DHRS9: variants seen among roughly 807,000 people sequenced by gnomAD.
DHRS9 encodes dehydrogenase/reductase 9, also known as dehydrogenase/reductase SDR family member 9.
Under a neutral mutation model 26.6 loss-of-function variants are expected in DHRS9, and 18 were observed. The observed-to-expected ratio is 0.68, with a 90% CI of 0.47 to 1.00. DHRS9 has a LOEUF of 1.00. DHRS9 is among the 50% of genes least tolerant of loss of function. DHRS9 has a pLI of 0.00. For synonymous variants in DHRS9, 134 were observed against 141.1 expected (o/e 0.95, Z 0.36); for missense variants, 425 against 378.7 (o/e 1.12, Z -1.01).
chr2:169,093,932 A>C (rs1684614512), intron 4 of DHRS9, among the ~76,000 whole-genome samples: 1 of 152,218 alleles, frequency 6.6e-6, no homozygotes, highest in South Asian at 2.1e-4. Context: ...TTCCCTTGAG[A>C]AGACACAGCT....
At chr2:169,067,202 T>G, upstream of DHRS9, 1 of 1,535,614 alleles carries the variant, frequency 6.5e-7, no homozygotes. Flanking sequence ...ACCCTCCTGG[T>G]CAGCCTTACA....
At chr2:169,073,492 G>C (rs1227189307) in intron 1 of DHRS9, among the ~76,000 whole-genome samples, 1 of 152,198 alleles carries the variant, frequency 6.6e-6, no homozygotes, top group Non-Finnish European at 1.5e-5. Flanking sequence ...AGATTTGCTA[G>C]GAGGATATTT....
intron 3 of DHRS9, among the ~76,000 whole-genome samples, chr2:169,084,221 T>G (rs1217507582): frequency 6.6e-6 from 1 of 152,206 alleles, no homozygotes; most frequent in African/African-American, 2.4e-5. Flanking sequence ...ATACTGCATT[T>G]TCCTTATTCA....
chr2:169,077,087 G>A (rs1369394848), intron 1 of DHRS9, among the ~76,000 whole-genome samples: 2 of 152,100 alleles, frequency 1.3e-5, no homozygotes, highest in Non-Finnish European at 2.9e-5. Context: ...GATCCAATAT[G>A]GGATCCAACA....
chr2:169,070,594 A>G, intron 1 of DHRS9: 1 of 984,856 alleles, frequency 1.0e-6, no homozygotes, highest in South Asian at 4.7e-5. Flanking sequence ...GTTAAATGTT[A>G]TACCACCTTT....
At chr2:169,068,713 T>C (rs1348362241), upstream of DHRS9, among the ~76,000 whole-genome samples, 1 of 152,188 alleles carries the variant, frequency 6.6e-6, no homozygotes, top group Admixed American at 6.5e-5. Context: ...CCATAATAAC[T>C]GCAATTTTCA....
In DHRS9 at chr2:169,078,840, T is replaced by TTTTTTTTTTTTTTG. The variant is rs1553478929; in HGVS notation, c.-59-2682_-59-2681insTTTTTTTTTTTTGT. 1.2e-3 allele frequency among the ~76,000 whole-genome samples: 163 copies of TTTTTTTTTTTTTTG among 137,258 alleles called. 9 individuals carry two copies. The highest frequency in any genetic ancestry group is 4.5e-3 in the African/African-American group (153 of 33,724). 90.0% of individuals were successfully genotyped at this position (137,258 alleles called of 152,430 possible). A position where few individuals can be genotyped will look rare whatever the true frequency, so the allele number is the denominator to read the frequency against. ...CTTTTTTTTTTTTTTTTTTTTTTTTTTGTGACAGAGTCTTGCACTGTCGCC... is the reference window on the plus strand; with the variant it reads ...CTTTTTTTTTTTTTTTTTTTTTTTTTTTTTTTTTTTTTTGTGTGACAGAGTCTTGCACTGTCGCC... On this transcript the variant is annotated intron_variant, in intron 1 of 4. Transcript: ENST00000674881.
Position 169,069,615 on chromosome 2 carries a change from G to A in DHRS9, c.-162G>A, listed in dbSNP as rs1383509994. On this transcript the variant is annotated 5_prime_UTR_variant, in exon 1 of 5. Transcript: ENST00000674881. ...CCTCGACCTCAAGAGGATCAGCCTGGCCAGGGTGGCACAACTCTTCCTTCC... is the reference window on the plus strand; with the variant it reads ...CCTCGACCTCAAGAGGATCAGCCTGACCAGGGTGGCACAACTCTTCCTTCC... 28 of 985,298 alleles carry A rather than the reference G, an allele frequency of 2.8e-5. No individual in the cohort carries two copies. The highest frequency in any genetic ancestry group is 5.2e-4 in the Middle Eastern group (1 of 1,938). The allele number at this position is 985,298 out of a possible 1,614,324, so 61.0% of individuals were successfully genotyped here. A position where few individuals can be genotyped will look rare whatever the true frequency, so the allele number is the denominator to read the frequency against.
intron 1 of DHRS9, among the ~76,000 whole-genome samples, chr2:169,077,613 A>T (rs927415647): frequency 6.6e-6 from 1 of 152,054 alleles, no homozygotes; most frequent in African/African-American, 2.4e-5. Flanking sequence ...TCAGGAAAAA[A>T]AAAAAGATGG....
intron 3 of DHRS9, 103 bp downstream of exon 3, chr2:169,083,690 T>C (rs1684265145): frequency 3.7e-6 from 5 of 1,360,000 alleles, no homozygotes; most frequent in South Asian, 1.5e-5. Context: ...AAGTCTACCA[T>C]ATTTATCTCT....
intron 1 of DHRS9, chr2:169,070,570 T>C: frequency 1.0e-6 from 1 of 985,006 alleles, no homozygotes; most frequent in Non-Finnish European, 1.2e-6. Flanking sequence ...GGCTACACGC[T>C]GCATCAAATC....
At chr2:169,085,779 T>A (rs1390166343) in intron 3 of DHRS9, among the ~76,000 whole-genome samples, 2 of 152,194 alleles carry the variant, frequency 1.3e-5, no homozygotes, top group Non-Finnish European at 2.9e-5. Flanking sequence ...TGTGGAGTCT[T>A]TAGGTTTTTC....
chr2:169,072,454 C>T, intron 1 of DHRS9: 1 of 272,502 alleles, frequency 3.7e-6, no homozygotes, highest in African/African-American at 2.3e-5. Flanking sequence ...AAGTATACCT[C>T]ACAATAATAT....
chr2:169,067,986 G>A (rs1006139780), upstream of DHRS9, among the ~76,000 whole-genome samples: 1 of 152,134 alleles, frequency 6.6e-6, no homozygotes, highest in Non-Finnish European at 1.5e-5. Flanking sequence ...CTTTTTTTAA[G>A]TCTATTTGGA....
chr2:169,081,533 T>C lies in DHRS9; in HGVS notation c.-49T>C, dbSNP rs771907349. The C allele has an allele frequency of 7.6e-6, 12 of 1,571,640 alleles. No individual in the cohort carries two copies. Among genetic ancestry groups the C allele is most frequent in the Non-Finnish European group, 1.0e-5 (12 of 1,163,338 alleles). ...ACTTTGAACACTCAGGACACCATCT[T>C]CTTGTATTATACAAGAAAGGAGTGT... On this transcript the variant is annotated 5_prime_UTR_variant, in exon 2 of 5. Coordinates refer to ENST00000674881, the MANE Select transcript of DHRS9 (RefSeq NM_001376924.1).
rs971461391 is a variant in DHRS9 at position 169,096,134 on chromosome 2, T to A, written c.*367T>A. ...TAACTTGTGAATGTTAAGTATCATC[T>A]CTTATCTAAATATTAAAAGATAAGT... On this transcript the variant is annotated 3_prime_UTR_variant, in exon 5 of 5. Coordinates refer to ENST00000674881, the MANE Select transcript of DHRS9 (RefSeq NM_001376924.1). The A allele has an allele frequency of 4.1e-6, 1 of 244,876 alleles. No individual in the cohort carries two copies. Among genetic ancestry groups the A allele is most frequent in the African/African-American group, 2.2e-5 (1 of 44,506 alleles). The allele number at this position is 244,876 out of a possible 1,614,324, so 15.2% of individuals were successfully genotyped here. A position where few individuals can be genotyped will look rare whatever the true frequency, so the allele number is the denominator to read the frequency against.
intron 1 of DHRS9, chr2:169,081,171 G>A (rs538646336): frequency 9.8e-7 from 1 of 1,017,516 alleles, no homozygotes; most frequent in East Asian, 9.3e-5. Flanking sequence ...TTACTGTGAG[G>A]GTCTGTCTTC....
chr2:169,088,630 G>GGGA (rs746945305), intron 3 of DHRS9, among the ~76,000 whole-genome samples: 4 of 152,174 alleles, frequency 2.6e-5, no homozygotes, highest in Admixed American at 6.5e-5. Context: ...GTGTATAGAT[G>GGGA]ATGCCACTAA....
chr2:169,093,956 A>T (rs1684615553), intron 4 of DHRS9, among the ~76,000 whole-genome samples: 1 of 152,236 alleles, frequency 6.6e-6, no homozygotes, highest in Non-Finnish European at 1.5e-5. Flanking sequence ...GTATGGTTTA[A>T]AAGTATGTGA....
Sources: allele counts gnomAD v4.1 joint callset (sites outside exome capture counted in the v4.1 genomes callset), GRCh38; gene constraint gnomAD v4.1.1; transcripts MANE v1.5; gene names NCBI Gene and HGNC (gene_info 2026-07-23, HGNC 2026-07-21).